VWDE: variants seen among roughly 807,000 people sequenced by gnomAD.
VWDE encodes the protein von Willebrand factor D and EGF domains.
VWDE carries 207 observed loss-of-function variants against 178.4 expected under a neutral mutation model. The observed-to-expected ratio is 1.16, with a 90% CI of 1.04 to 1.30. The LOEUF (loss-of-function observed/expected upper bound fraction) is 1.30, where lower values mean the gene tolerates loss of function less well. Ranked by LOEUF, VWDE falls within the 50% of genes most tolerant of loss-of-function variation. VWDE has a pLI of 0.00. For missense variants in VWDE, 2,287 were observed against 1,901.3 expected (o/e 1.20, Z -3.77); for synonymous variants, 738 against 651.4 (o/e 1.13, Z -2.02).
Position 12,383,590 on chromosome 7 carries a change from C to A in VWDE, c.487G>T (p.Ala163Ser). The A allele has an allele frequency of 6.4e-7, 1 of 1,550,406 alleles. No individual in the cohort carries two copies. Among genetic ancestry groups the A allele is most frequent in the Non-Finnish European group, 8.7e-7 (1 of 1,145,932 alleles). ...TCAGAACCACATGGGTGTAATCGTG[C>A]ATCAGAAATAGCTGCCAAGGGTTAA... ...MGYCAEAISDARLHPCGSDET... is the reference protein window; with the variant it reads ...MGYCAEAISDSRLHPCGSDET... The change falls in exon 4 of 29, where the codon GCA becomes TCA. Residue 163 changes from alanine to serine, a missense_variant. Physicochemically the swap from Ala to Ser is moderately conservative, Grantham distance 99. Coordinates refer to ENST00000275358, the MANE Select transcript of VWDE (RefSeq NM_001135924.3).
chr7:12,367,141 G>A (rs1316197225), intron 13 of VWDE, among the ~76,000 whole-genome samples: 2 of 151,962 alleles, frequency 1.3e-5, no homozygotes, highest in Non-Finnish European at 2.9e-5. Flanking sequence ...AGTGAAAACA[G>A]TGAGCCGATA....
chr7:12,352,712 G>T (rs1295076513), intron 18 of VWDE, among the ~76,000 whole-genome samples: 1 of 152,132 alleles, frequency 6.6e-6, no homozygotes, highest in Middle Eastern at 3.2e-3. Flanking sequence ...CTGTGGGGCT[G>T]GGCAGGCTCA....
chr7:12,370,305 G>T lies in VWDE; in HGVS notation c.2001C>A (p.Val667=). The part of the protein sequence containing the change: ...SLSSLIPELD[V]TSEYINSDTL... ...TGTCTGAATTAATATATTCGGAGGT[G>T]ACATCTAGTTCTGGTATCAAAGAAG... is the stretch of plus-strand genomic sequence containing the variant. Residue 667 remains valine (V), a synonymous_variant, in exon 12 of 29, where the codon GTC becomes GTA. Coordinates refer to ENST00000275358, the MANE Select transcript of VWDE (RefSeq NM_001135924.3). 6.4e-7 allele frequency: 1 copy of T among 1,551,146 alleles called. No individual in the cohort carries two copies. The highest frequency in any genetic ancestry group is 1.2e-5 in the South Asian group (1 of 84,044).
At chr7:12,402,622 A>G (rs1392338860) in intron 1 of VWDE, among the ~76,000 whole-genome samples, 2 of 152,240 alleles carry the variant, frequency 1.3e-5, no homozygotes, top group Non-Finnish European at 2.9e-5. Flanking sequence ...ATGAACAGAT[A>G]TATGTTATTA....
At chr7:12,389,417 A>C in intron 2 of VWDE, 59 bp from the exon 3 acceptor site, 3 of 1,232,034 alleles carry the variant, frequency 2.4e-6, no homozygotes, top group Non-Finnish European at 3.4e-6. Flanking sequence ...CATTGTAGAT[A>C]TATCAACTTT....
At chr7:12,398,982 A>T (rs139031813) in intron 1 of VWDE, among the ~76,000 whole-genome samples, 86 of 152,112 alleles carry the variant, frequency 5.7e-4, no homozygotes, top group Non-Finnish European at 9.4e-4. Flanking sequence ...CCATACCTCA[A>T]ACCTCAGCAT....
chr7:12,369,783 A>G lies in VWDE; in HGVS notation c.2523T>C (p.Asp841=). ...AACTAAGATCATCTTTTAACAGAAC[A>G]TCCTTCACACACATCTCTATAACAC... ...LDSVIEMCVK[D]VLLKDDLSWA... is the part of the protein sequence containing the mutation. The change falls in exon 12 of 29, where the codon GAT becomes GAC. Residue 841 remains aspartate, a synonymous_variant. Transcript: ENST00000275358. 3.2e-6 allele frequency: 5 copies of G among 1,551,568 alleles called. No individual in the cohort carries two copies. Among genetic ancestry groups the G allele is most frequent in the Non-Finnish European group, 4.4e-6 (5 of 1,146,906 alleles).
intron 3 of VWDE, among the ~76,000 whole-genome samples, chr7:12,384,053 G>A (rs1284583368): frequency 6.6e-6 from 1 of 152,116 alleles, no homozygotes; most frequent in Non-Finnish European, 1.5e-5. Context: ...ACCTGCACAT[G>A]GAAGTTTATA....
intron 12 of VWDE, 81 bp downstream of exon 12, chr7:12,369,464 A>C (rs899085249): frequency 7.0e-7 from 1 of 1,420,222 alleles, no homozygotes; most frequent in African/African-American, 1.4e-5. Flanking sequence ...CTGTTAGGAT[A>C]CTGAGGGTGA....
In VWDE at chr7:12,381,342, G is replaced by A. The variant is rs150525031; in HGVS notation, c.542-609C>T. ...CTGGGCATTTGCAAAATCAAATCTG[G>A]GGATCTGAAAGTTTTCTGGATAAGT... On this transcript the variant is annotated intron_variant, in intron 4 of 28. Transcript: ENST00000275358. Among the ~76,000 whole-genome samples, 158 of 152,044 alleles carry A rather than the reference G, an allele frequency of 1.0e-3. 2 individuals carry two copies. The East Asian group carries it at 0.02, about 19-fold the overall frequency.
chr7:12,333,228 C>T (rs2128543193), intron 28 of VWDE, among the ~76,000 whole-genome samples: 1 of 152,208 alleles, frequency 6.6e-6, no homozygotes, highest in South Asian at 2.1e-4. Context: ...TCATGAAATA[C>T]TGCGTTACAT....
chr7:12,375,941 CAG>C (rs1286460023), intron 7 of VWDE, among the ~76,000 whole-genome samples: 1 of 152,012 alleles, frequency 6.6e-6, no homozygotes, highest in African/African-American at 2.4e-5. Context: ...CAAAATTGGT[CAG>C]AGAGGAAGTA....
At chr7:12,359,309 A>C (rs1477107253) in intron 16 of VWDE, among the ~76,000 whole-genome samples, 3 of 152,198 alleles carry the variant, frequency 2.0e-5, no homozygotes, top group Non-Finnish European at 4.4e-5. Flanking sequence ...TAACTTCAGA[A>C]AACTGAACAG....
chr7:12,355,141 G>A (rs915135943), intron 18 of VWDE, among the ~76,000 whole-genome samples: 6 of 152,146 alleles, frequency 3.9e-5, no homozygotes, highest in African/African-American at 1.4e-4. Flanking sequence ...GTTTTAAAAT[G>A]CTGAAGAGGT....
intron 16 of VWDE, 33 bp from the exon 17 acceptor site, chr7:12,357,548 G>A (rs763101370): frequency 9.7e-6 from 15 of 1,545,456 alleles, no homozygotes; most frequent in African/African-American, 6.9e-5. Flanking sequence ...CTTTATACCC[G>A]TGTAGAAAAA....
At chr7:12,377,685 T>C (rs1783610705) in intron 7 of VWDE, 91 bp downstream of exon 7, 1 of 754,912 alleles carries the variant, frequency 1.3e-6, no homozygotes. Context: ...TGATTTATTA[T>C]ATGAGTACAC....
At chr7:12,365,871 A>G (rs1395530211) in intron 13 of VWDE, among the ~76,000 whole-genome samples, 1 of 152,106 alleles carries the variant, frequency 6.6e-6, no homozygotes, top group East Asian at 1.9e-4. Context: ...TTCTTTCTAT[A>G]GTTTTTGATT....
intron 17 of VWDE, 138 bp downstream of exon 17, chr7:12,357,127 G>T: frequency 9.0e-7 from 1 of 1,115,780 alleles, no homozygotes; most frequent in Middle Eastern, 2.4e-4. Flanking sequence ...TCAAAGTTTC[G>T]GCAGTTTAAT....
intron 27 of VWDE, 128 bp downstream of exon 27, chr7:12,336,013 A>T: frequency 1.3e-6 from 1 of 769,646 alleles, no homozygotes. Context: ...ATCTAAAATC[A>T]TTTTTTAAAA....
Sources: gnomAD v4.1 joint callset for allele counts (sites outside exome capture counted in the v4.1 genomes callset) on GRCh38, gnomAD v4.1.1 for gene constraint, MANE v1.5 for transcripts, NCBI Gene and HGNC (gene_info 2026-07-23, HGNC 2026-07-21) for gene names.